Variants in CNTNAP2 observed in about 807,000 individuals in gnomAD.
The protein encoded by CNTNAP2 is contactin associated protein 2.
Under a neutral mutation model 155.2 loss-of-function variants are expected in CNTNAP2, and 98 were observed. That is an observed-to-expected ratio of 0.63 (90% confidence interval 0.54 to 0.75). CNTNAP2 has a LOEUF of 0.75. Among genes scored for constraint, CNTNAP2 ranks in the 30% least tolerant of loss-of-function variants. The pLI, the probability that CNTNAP2 is intolerant of heterozygous loss-of-function variation, is 0.00. For missense variants in CNTNAP2, 1,727 were observed against 1,688.1 expected, an observed-to-expected ratio of 1.02 and a Z score of -0.40; for synonymous variants, 651 against 631.2, an observed-to-expected ratio of 1.03 and a Z score of -0.47.
At chr7:147,904,464 A>G (rs995834230) in intron 14 of CNTNAP2, among the ~76,000 whole-genome samples, 23 of 152,226 alleles carry the variant, frequency 1.5e-4, no homozygotes, top group Non-Finnish European at 2.9e-5. Flanking sequence ...GCAGAAGCAC[A>G]TATCCAGTGC....
chr7:147,969,727 T>G (rs1390209931), intron 14 of CNTNAP2, among the ~76,000 whole-genome samples: 1 of 152,098 alleles, frequency 6.6e-6, no homozygotes, highest in East Asian at 1.9e-4. Flanking sequence ...TTAAAAATAT[T>G]TAACAAAAAC....
chr7:148,232,495 A>G (rs1320672969), intron 20 of CNTNAP2, among the ~76,000 whole-genome samples: 1 of 152,162 alleles, frequency 6.6e-6, no homozygotes, highest in East Asian at 1.9e-4. Flanking sequence ...CTATTTCCCC[A>G]TTTTCTATTA....
At chr7:146,120,732 T>A (rs1215037690) in intron 1 of CNTNAP2, among the ~76,000 whole-genome samples, 1 of 152,162 alleles carries the variant, frequency 6.6e-6, no homozygotes, top group African/African-American at 2.4e-5. Flanking sequence ...ATCTTTTCCA[T>A]GTTTAAGTAT....
chr7:146,171,896 G>T (rs1798396859), intron 1 of CNTNAP2, among the ~76,000 whole-genome samples: 1 of 151,900 alleles, frequency 6.6e-6, no homozygotes, highest in Non-Finnish European at 1.5e-5. Context: ...TCTATTTCAT[G>T]TCATTAATTC....
At chr7:147,604,978 T>C (rs891181529) in intron 12 of CNTNAP2, among the ~76,000 whole-genome samples, 1 of 152,170 alleles carries the variant, frequency 6.6e-6, no homozygotes, top group East Asian at 1.9e-4. Flanking sequence ...CATTTTCAGC[T>C]TTTAGAGATG....
intron 9 of CNTNAP2, among the ~76,000 whole-genome samples, chr7:147,333,905 A>G (rs1258704152): frequency 6.6e-6 from 1 of 152,184 alleles, no homozygotes; most frequent in Admixed American, 6.5e-5. Flanking sequence ...TCATCGGTCC[A>G]GGGATGTGTG....
chr7:147,336,348 C>T lies in CNTNAP2; in HGVS notation c.1498+36058C>T, dbSNP rs1255596183. 2.6e-5 allele frequency among the ~76,000 whole-genome samples: 4 copies of T among 152,180 alleles called. No individual in the cohort carries two copies. The South Asian group carries it at 6.2e-4, about 24-fold the overall frequency. On this transcript the variant is annotated intron_variant, in intron 9 of 23. Transcript: ENST00000361727. ...TGATTTCTTTTGTATTTGTAGCTTA[C>T]GTGGAAGCAGCACCATGCTCAGCAC... is the stretch of plus-strand genomic sequence containing the variant.
At chr7:148,345,195 C>T (rs950430472) in intron 21 of CNTNAP2, among the ~76,000 whole-genome samples, 56 of 152,064 alleles carry the variant, frequency 3.7e-4, no homozygotes, top group Non-Finnish European at 3.5e-4. Context: ...ATGGAGGAGA[C>T]GGGCATGTGT....
intron 13 of CNTNAP2, among the ~76,000 whole-genome samples, chr7:147,886,475 C>CA (rs532837902): frequency 0.22 from 8,635 of 39,608 alleles, 2,066 homozygotes; most frequent in Non-Finnish European, 0.28. Flanking sequence ...AACTCCATCT[C>CA]AAAAAAAAAA....
chr7:146,665,078 A>T (rs1391047654), intron 1 of CNTNAP2, among the ~76,000 whole-genome samples: 1 of 152,038 alleles, frequency 6.6e-6, no homozygotes, highest in East Asian at 1.9e-4. Flanking sequence ...CCTTCCGAGT[A>T]GCTGGGATTA....
At chr7:147,394,807 TTGTG>T (rs61695156) in intron 9 of CNTNAP2, among the ~76,000 whole-genome samples, 4,596 of 139,276 alleles carry the variant, frequency 0.033, 112 homozygotes, top group African/African-American at 0.071. Flanking sequence ...ATCAACAGTA[TTGTG>T]TGTGTGTGTG....
intron 2 of CNTNAP2, among the ~76,000 whole-genome samples, chr7:146,790,506 T>C (rs1206050803): frequency 6.6e-6 from 1 of 152,110 alleles, no homozygotes; most frequent in East Asian, 1.9e-4. Flanking sequence ...GGGATGTTTA[T>C]TGGATACGTC....
At chr7:147,920,869 G>T (rs567537900) in intron 14 of CNTNAP2, among the ~76,000 whole-genome samples, 1 of 148,506 alleles carries the variant, frequency 6.7e-6, no homozygotes, top group East Asian at 2.0e-4. Flanking sequence ...GAGTGCGGTG[G>T]CGTGATCTCA....
intron 1 of CNTNAP2, among the ~76,000 whole-genome samples, chr7:146,125,302 T>G (rs1443588777): frequency 2.0e-5 from 3 of 152,018 alleles, no homozygotes; most frequent in African/African-American, 7.2e-5. Flanking sequence ...TTTGGCCAGG[T>G]GCGGTGGCTC....
At chr7:147,768,188 G>C (rs898250657) in intron 13 of CNTNAP2, among the ~76,000 whole-genome samples, 1 of 152,088 alleles carries the variant, frequency 6.6e-6, no homozygotes, top group African/African-American at 2.4e-5. Context: ...AAAAATTTGA[G>C]TACAGAAATA....
intron 2 of CNTNAP2, among the ~76,000 whole-genome samples, chr7:146,778,119 A>T (rs569319199): frequency 4.6e-5 from 7 of 152,326 alleles, no homozygotes; most frequent in African/African-American, 1.7e-4. Context: ...TCAGAATGTA[A>T]CCTACTAATT....
chr7:148,238,782 C>T (rs1320982285), intron 20 of CNTNAP2, among the ~76,000 whole-genome samples: 1 of 152,124 alleles, frequency 6.6e-6, no homozygotes, highest in East Asian at 1.9e-4. Context: ...TCCTTCTTTT[C>T]TGTAGAAACA....
chr7:146,652,740 C>G (rs1482400204), intron 1 of CNTNAP2, among the ~76,000 whole-genome samples: 2 of 152,080 alleles, frequency 1.3e-5, no homozygotes, highest in African/African-American at 4.8e-5. Context: ...TGACAGAAAT[C>G]AAAGTGTAGA....
intron 8 of CNTNAP2, among the ~76,000 whole-genome samples, chr7:147,281,240 A>G (rs1256717482): frequency 1.3e-5 from 2 of 152,070 alleles, no homozygotes; most frequent in East Asian, 3.9e-4. Context: ...GATTTTTATA[A>G]CGAATCATCA....
Sources: gnomAD v4.1 joint callset for allele counts (sites outside exome capture counted in the v4.1 genomes callset) on GRCh38, gnomAD v4.1.1 for gene constraint, MANE v1.5 for transcripts, NCBI Gene and HGNC (gene_info 2026-07-23, HGNC 2026-07-21) for gene names.